Variants in PRPF18 observed in about 807,000 individuals in gnomAD.
The protein encoded by PRPF18 is pre-mRNA-splicing factor 18.
A neutral mutation model predicts 46.5 loss-of-function variants in PRPF18; 38 were observed. The observed-to-expected ratio is 0.82, with a 90% CI of 0.63 to 1.07. The LOEUF (loss-of-function observed/expected upper bound fraction) is 1.07, where lower values mean the gene tolerates loss of function less well. PRPF18 is among the 50% of genes least tolerant of loss of function. PRPF18 has a pLI of 0.00. For synonymous variants in PRPF18, 152 were observed against 146.7 expected (o/e 1.04, Z -0.26); for missense variants, 263 against 410.0 (o/e 0.64, Z 3.10).
chr10:13,607,273 G>C (rs1292827594), intron 4 of PRPF18, among the ~76,000 whole-genome samples: 2 of 151,646 alleles, frequency 1.3e-5, no homozygotes, highest in Non-Finnish European at 1.5e-5. Flanking sequence ...TTGTCTTTTT[G>C]TAAATGGATT....
chr10:13,652,244 C>G, the PRPF18 span: 2 of 501,320 alleles, frequency 4.0e-6, no homozygotes, highest in East Asian at 3.5e-5. Context: ...TGCCAAGAAC[C>G]AAAATTGCTG....
intron 9 of PRPF18, among the ~76,000 whole-genome samples, chr10:13,618,998 A>G (rs2080387212): frequency 6.6e-6 from 1 of 152,224 alleles, no homozygotes; most frequent in African/African-American, 2.4e-5. Context: ...GGATGGTTTC[A>G]GGATGAAACT....
At chr10:13,644,009 C>T in the PRPF18 span, 1 of 152,594 alleles carries the variant, frequency 6.6e-6, no homozygotes, top group Admixed American at 6.5e-5. Context: ...ATATGTAAAA[C>T]TTTACACCTA....
At chr10:13,651,040 A>AGTTAGACTGTAAGGGTCCTG in the PRPF18 span, 1 of 152,230 alleles carries the variant, frequency 6.6e-6, no homozygotes, top group Non-Finnish European at 1.5e-5. Flanking sequence ...CTTGTGTCCC[A>AGTTAGACTGTAAGGGTCCTG]GTTAGACTGT....
At chr10:13,602,157 C>G (rs2080121283) in intron 3 of PRPF18, among the ~76,000 whole-genome samples, 1 of 152,150 alleles carries the variant, frequency 6.6e-6, no homozygotes, top group Non-Finnish European at 1.5e-5. Flanking sequence ...TCAGCCTTTG[C>G]CAATCTGAAA....
intron 9 of PRPF18, among the ~76,000 whole-genome samples, chr10:13,622,916 A>G (rs1419093548): frequency 6.6e-6 from 1 of 152,164 alleles, no homozygotes; most frequent in Non-Finnish European, 1.5e-5. Flanking sequence ...GAGTTCCCAC[A>G]GGCCGGGCAC....
intron 1 of PRPF18, among the ~76,000 whole-genome samples, chr10:13,593,034 A>G (rs1418724154): frequency 6.6e-6 from 1 of 152,240 alleles, no homozygotes; most frequent in Non-Finnish European, 1.5e-5. Flanking sequence ...TATTTTCAGT[A>G]AATGATGCTG....
chr10:13,650,878 A>G, the PRPF18 span, among the ~76,000 whole-genome samples: 2 of 152,210 alleles, frequency 1.3e-5, no homozygotes, highest in Admixed American at 6.5e-5. Flanking sequence ...CCAGGCTCAC[A>G]TAACATCTCC....
At chr10:13,588,697 C>T (rs1589113454) in intron 1 of PRPF18, among the ~76,000 whole-genome samples, 1 of 152,134 alleles carries the variant, frequency 6.6e-6, no homozygotes, top group African/African-American at 2.4e-5. Flanking sequence ...CTGCTCTTCA[C>T]TGATGGGAAT....
intron 9 of PRPF18, among the ~76,000 whole-genome samples, chr10:13,622,645 A>C (rs937760893): frequency 6.6e-6 from 1 of 152,248 alleles, no homozygotes; most frequent in African/African-American, 2.4e-5. Flanking sequence ...TAAAAAGAGC[A>C]GCAGAGTCTG....
Position 13,597,494 on chromosome 10 carries a change from A to G in PRPF18, c.103A>G (p.Lys35Glu). The change falls in exon 2 of 10, where the codon AAA (lysine) becomes GAA (glutamate). Residue 35 changes from lysine to glutamate, a missense_variant. Lys to Glu is a moderately conservative substitution (Grantham distance 56). This residue lies in a region of PRPF18 where 71 missense variants were observed against 69.2 expected (regional missense o/e 1.03). Transcript: ENST00000378572. ...KKYFKRSELA[K>E]KEEEAYFERC... Reference sequence around the variant, plus strand: ...ATATTTCAAGCGTAGTGAGCTCGCCAAAAAAGAAGAGGAAGCATATTTTGA... The same window carrying G: ...ATATTTCAAGCGTAGTGAGCTCGCCGAAAAAGAAGAGGAAGCATATTTTGA... 1 of 1,609,222 alleles carries G rather than the reference A, an allele frequency of 6.2e-7. No homozygotes were observed. The highest frequency in any genetic ancestry group is 8.5e-7 in the Non-Finnish European group (1 of 1,177,650).
At chr10:13,592,889 A>G (rs899306013) in intron 1 of PRPF18, among the ~76,000 whole-genome samples, 1 of 152,240 alleles carries the variant, frequency 6.6e-6, no homozygotes, top group Non-Finnish European at 1.5e-5. Context: ...ATGCTACAAT[A>G]ATCAAAACAG....
Position 13,605,641 on chromosome 10 carries a change from G to A in PRPF18, c.260G>A (p.Arg87Lys), listed in dbSNP as rs2080172844. The part of the protein sequence containing the change: ...MTLSRQEVIR[R>K]LRERGEPIRL... ...TGTTTCACTTTGTAGGTCATCAGAA[G>A]ATTGAGAGAAAGAGGAGAACCAATC... Residue 87 changes from arginine to lysine, a missense_variant, in exon 4 of 10, where the codon AGA becomes AAA. By Grantham distance (26) the Arg-to-Lys change is conservative (BLOSUM62 2). Coordinates refer to ENST00000378572, the MANE Select transcript of PRPF18 (RefSeq NM_003675.4). 1 of 1,598,376 alleles carries A rather than the reference G, an allele frequency of 6.3e-7. No individual in the cohort carries two copies. The highest frequency in any genetic ancestry group is 8.5e-7 in the Non-Finnish European group (1 of 1,173,750).
chr10:13,642,636 C>T, the PRPF18 span: 1 of 152,208 alleles, frequency 6.6e-6, no homozygotes, highest in African/African-American at 2.4e-5. Context: ...CTACCAGTTG[C>T]TTTCATGTGG....
At chr10:13,623,957 AT>A (rs1450100824) in intron 9 of PRPF18, among the ~76,000 whole-genome samples, 2 of 152,212 alleles carry the variant, frequency 1.3e-5, no homozygotes, top group African/African-American at 4.8e-5. Context: ...CATCTTAATC[AT>A]TTTTATGTGT....
chr10:13,601,893 A>G lies in PRPF18; in HGVS notation c.249+1545A>G, dbSNP rs1170407282. The stretch of plus-strand genomic sequence containing the variant: ...ATTTATTAAAATTAGCTCTTTACTG[A>G]TGGATAGATTACTTCCAGTTGTTTG... On this transcript the variant is annotated intron_variant, in intron 3 of 9. Coordinates refer to ENST00000378572, the MANE Select transcript of PRPF18 (RefSeq NM_003675.4). Among the ~76,000 whole-genome samples the G allele has an allele frequency of 3.9e-5, 6 of 152,214 alleles. No homozygotes were observed. In the East Asian group the frequency reaches 1.2e-3, roughly 29 times the overall value.
At chr10:13,640,704 T>C in the PRPF18 span, 1 of 152,514 alleles carries the variant, frequency 6.6e-6, no homozygotes, top group Non-Finnish European at 1.5e-5. Flanking sequence ...ATTACCATCA[T>C]TTCAGTCACC....
the PRPF18 span, chr10:13,651,853 G>T: frequency 2.3e-6 from 2 of 888,612 alleles, no homozygotes; most frequent in South Asian, 1.3e-5. Context: ...AGCAACACAT[G>T]TGGGACCACA....
intron 1 of PRPF18, among the ~76,000 whole-genome samples, chr10:13,588,252 C>T (rs902730336): frequency 1.3e-5 from 2 of 152,010 alleles, no homozygotes; most frequent in African/African-American, 2.4e-5. Flanking sequence ...ACTAAAAACA[C>T]CAAAATTAGC....
Sources: gnomAD v4.1 joint callset for allele counts (sites outside exome capture counted in the v4.1 genomes callset) on GRCh38, gnomAD v4.1.1 for gene constraint, gnomAD v4.1.1 regional missense constraint, MANE v1.5 for transcripts, NCBI Gene and HGNC (gene_info 2026-07-23, HGNC 2026-07-21) for gene names.